Variants in DAPL1 observed in about 807,000 individuals in gnomAD.
DAPL1 encodes death-associated protein-like 1.
DAPL1 carries 17 observed loss-of-function variants against 12.9 expected under a neutral mutation model. The ratio of observed to expected loss-of-function variants is 1.32; its 90% confidence interval spans 0.90 to 1.98. The LOEUF (loss-of-function observed/expected upper bound fraction) is 1.98, where lower values mean the gene tolerates loss of function less well. Ranked by LOEUF, DAPL1 falls within the 30% of genes most tolerant of loss-of-function variation. The probability of loss-of-function intolerance (pLI) is 0.00; values close to 1 mark genes in which losing one functional copy is unlikely to be tolerated. For missense variants in DAPL1, 157 were observed against 125.7 expected (o/e 1.25, Z -1.19); for synonymous variants, 51 against 42.0 (o/e 1.21, Z -0.82).
intron 3 of DAPL1, among the ~76,000 whole-genome samples, chr2:158,814,899 T>C (rs2059252051): frequency 6.6e-6 from 1 of 152,168 alleles, no homozygotes; most frequent in African/African-American, 2.4e-5. Context: ...AGAACTAGCA[T>C]GGACCCAAAA....
intron 3 of DAPL1, among the ~76,000 whole-genome samples, chr2:158,814,336 A>G (rs1488856182): frequency 6.6e-6 from 1 of 152,140 alleles, no homozygotes; most frequent in African/African-American, 2.4e-5. Flanking sequence ...TGCAACATTT[A>G]TGATCAATAT....
At chr2:158,804,986 TG>T (rs1371452743) in intron 2 of DAPL1, among the ~76,000 whole-genome samples, 2 of 152,144 alleles carry the variant, frequency 1.3e-5, no homozygotes, top group Non-Finnish European at 2.9e-5. Context: ...GTCTAGGCCT[TG>T]GGTAAGGAAA....
intron 1 of DAPL1, among the ~76,000 whole-genome samples, chr2:158,800,028 C>T (rs2059158291): frequency 6.8e-6 from 1 of 146,736 alleles, no homozygotes; most frequent in Non-Finnish European, 1.5e-5. Flanking sequence ...CGCTCCATGG[C>T]ACTCCAGCCT....
intron 1 of DAPL1, among the ~76,000 whole-genome samples, chr2:158,797,792 A>G (rs1322365569): frequency 1.1e-5 from 1 of 92,146 alleles, no homozygotes; most frequent in East Asian, 2.1e-4. Context: ...ACCCCGTCTG[A>G]AAAAAAAAAA....
intron 3 of DAPL1, among the ~76,000 whole-genome samples, chr2:158,808,216 G>C (rs1191811400): frequency 6.6e-6 from 1 of 152,226 alleles, no homozygotes; most frequent in Non-Finnish European, 1.5e-5. Context: ...TCAGATGCCT[G>C]AGGACCACCA....
At chr2:158,806,523 C>T (rs571596782) in intron 2 of DAPL1, among the ~76,000 whole-genome samples, 1 of 151,318 alleles carries the variant, frequency 6.6e-6, no homozygotes, top group East Asian at 1.9e-4. Context: ...GTATGTATAT[C>T]ATATTTCAAT....
chr2:158,804,441 G>A (rs916995523), intron 2 of DAPL1, 72 bp downstream of exon 2: 7 of 1,122,022 alleles, frequency 6.2e-6, no homozygotes, highest in Non-Finnish European at 8.9e-6. Flanking sequence ...GTTATTTTAG[G>A]ACAAACCAAG....
At chr2:158,804,462 C>A in intron 2 of DAPL1, 93 bp downstream of exon 2, 1 of 872,896 alleles carries the variant, frequency 1.1e-6, no homozygotes, top group Non-Finnish European at 1.7e-6. Flanking sequence ...GCTCCCTATG[C>A]CTTTGGAGGC....
chr2:158,804,340 T>C lies in DAPL1; in HGVS notation c.117T>C (p.His39=). ...AAGAAATTGGCACCTTGGAAAGACA[T>C]ACCAAAAAAACAGGATTCGAGAAAA... The part of the protein sequence containing the change: ...KKQEIGTLER[H]TKKTGFEKTS... The change falls in exon 2 of 4, where the codon CAT becomes CAC. Residue 39 remains histidine, a synonymous_variant. Transcript: ENST00000309950. 6.2e-7 allele frequency: 1 copy of C among 1,611,450 alleles called. No individual in the cohort carries two copies. The highest frequency in any genetic ancestry group is 8.5e-7 in the Non-Finnish European group (1 of 1,178,658).
Position 158,806,645 on chromosome 2 carries a change from G to A in DAPL1, c.147-410G>A, listed in dbSNP as rs141311620. Among the ~76,000 whole-genome samples, 77 of 152,054 alleles carry A rather than the reference G, an allele frequency of 5.1e-4. No individual in the cohort carries two copies. In the East Asian group the frequency reaches 0.013, roughly 26 times the overall value. On this transcript the variant is annotated intron_variant, in intron 2 of 3. Coordinates refer to ENST00000309950, the MANE Select transcript of DAPL1 (RefSeq NM_001017920.3). ...AGGTCAGGAGTTCAAGACCAGCCTGGCTAACATGGTGAAACCCCATTTCTA... is the reference window on the plus strand; with the variant it reads ...AGGTCAGGAGTTCAAGACCAGCCTGACTAACATGGTGAAACCCCATTTCTA...
At chr2:158,813,928 T>C (rs74923781) in intron 3 of DAPL1, among the ~76,000 whole-genome samples, 4 of 152,100 alleles carry the variant, frequency 2.6e-5, no homozygotes, top group Admixed American at 6.6e-5. Context: ...ACATGTGGCT[T>C]TCTTTGTTTC....
At chr2:158,798,347 C>T (rs2059146019) in intron 1 of DAPL1, among the ~76,000 whole-genome samples, 1 of 152,240 alleles carries the variant, frequency 6.6e-6, no homozygotes, top group Admixed American at 6.5e-5. Flanking sequence ...AACCCTCACA[C>T]ACTCCAAAGG....
chr2:158,815,326 G>A (rs936511669), intron 3 of DAPL1, among the ~76,000 whole-genome samples: 1 of 152,092 alleles, frequency 6.6e-6, no homozygotes, highest in African/African-American at 2.4e-5. Context: ...GACAATTGAG[G>A]AGTTTTTCGT....
chr2:158,800,696 G>T (rs192407686), intron 1 of DAPL1, among the ~76,000 whole-genome samples: 4 of 152,020 alleles, frequency 2.6e-5, no homozygotes, highest in Admixed American at 2.6e-4. Flanking sequence ...AAGTTCTCTC[G>T]CTTTGCTTCT....
chr2:158,810,250 C>A (rs1436836288), intron 3 of DAPL1, among the ~76,000 whole-genome samples: 1 of 152,102 alleles, frequency 6.6e-6, no homozygotes, highest in Non-Finnish European at 1.5e-5. Context: ...ATTTTTCCTG[C>A]ACTACAATGA....
intron 1 of DAPL1, among the ~76,000 whole-genome samples, chr2:158,798,161 G>C (rs1268904060): frequency 6.6e-6 from 1 of 152,174 alleles, no homozygotes; most frequent in East Asian, 1.9e-4. Flanking sequence ...TTTTAATTGG[G>C]TCTAAGCCAA....
Position 158,814,190 on chromosome 2 carries a change from C to T in DAPL1, c.208-1515C>T, listed in dbSNP as rs374053635. Among the ~76,000 whole-genome samples the T allele has an allele frequency of 7.9e-5, 12 of 152,328 alleles. No individual in the cohort carries two copies. The East Asian group carries it at 2.1e-3, about 27-fold the overall frequency. On this transcript the variant is annotated intron_variant, in intron 3 of 3. Coordinates refer to ENST00000309950, the MANE Select transcript of DAPL1 (RefSeq NM_001017920.3). The stretch of plus-strand genomic sequence containing the variant: ...AGTCAGTGACCTCTTAAATTTCCTT[C>T]TGGATCTAATGTTGAAAGAAAACCA...
chr2:158,810,950 T>A (rs1401910854), intron 3 of DAPL1, among the ~76,000 whole-genome samples: 1 of 152,236 alleles, frequency 6.6e-6, no homozygotes, highest in Non-Finnish European at 1.5e-5. Flanking sequence ...CATTTACTTT[T>A]AAAAAATTAT....
intron 3 of DAPL1, among the ~76,000 whole-genome samples, chr2:158,811,471 A>G (rs551174564): frequency 6.6e-6 from 1 of 152,306 alleles, no homozygotes; most frequent in South Asian, 2.1e-4. Flanking sequence ...CAAAACCTGC[A>G]GCTGATTTTC....
Sources: gnomAD v4.1 joint callset for allele counts (sites outside exome capture counted in the v4.1 genomes callset) on GRCh38, gnomAD v4.1.1 for gene constraint, MANE v1.5 for transcripts, NCBI Gene and HGNC (gene_info 2026-07-23, HGNC 2026-07-21) for gene names.